Variants in SDK1 observed in about 807,000 individuals in gnomAD.
SDK1 encodes the protein protein sidekick-1.
Under a neutral mutation model 245.5 loss-of-function variants are expected in SDK1, and 157 were observed. The ratio of observed to expected loss-of-function variants is 0.64; its 90% CI spans 0.56 to 0.73. The LOEUF (loss-of-function observed/expected upper bound fraction) is 0.73. SDK1 is among the 30% of genes least tolerant of loss of function. SDK1 has a pLI of 0.00. For missense variants in SDK1, 3,583 were observed against 3,002.3 expected, an observed-to-expected ratio of 1.19 and a Z score of -4.52; for synonymous variants, 1,647 against 1,278.5, an observed-to-expected ratio of 1.29 and a Z score of -6.15.
intron 1 of SDK1, among the ~76,000 whole-genome samples, chr7:3,425,812 G>T (rs902326761): frequency 3.3e-5 from 5 of 152,166 alleles, no homozygotes; most frequent in African/African-American, 1.2e-4. Context: ...AGCCAGCCAT[G>T]ATGATCTTTT....
chr7:3,630,590 T>A (rs374278058), intron 2 of SDK1, among the ~76,000 whole-genome samples: 1 of 152,060 alleles, frequency 6.6e-6, no homozygotes, highest in African/African-American at 2.4e-5. Context: ...GAGCCGAGAT[T>A]GTGCCATTGC....
At chr7:3,990,810 C>A (rs1419732325) in intron 14 of SDK1, among the ~76,000 whole-genome samples, 2 of 152,214 alleles carry the variant, frequency 1.3e-5, no homozygotes, top group Non-Finnish European at 2.9e-5. Context: ...ATTCTACCTT[C>A]CCCCGTTTCC....
At chr7:3,937,223 A>G (rs770019663) in intron 5 of SDK1, among the ~76,000 whole-genome samples, 2 of 152,162 alleles carry the variant, frequency 1.3e-5, no homozygotes, top group Non-Finnish European at 2.9e-5. Flanking sequence ...TGTTCACTCA[A>G]CAGGTATTTA....
In SDK1 at chr7:4,145,770, C is replaced by T. The variant is rs1779925520; in HGVS notation, c.4277C>T (p.Thr1426Ile). ...RLASSSPHTF[T>I]TVEVGATVRQ... ...GCCAGCAGCAGCCCCCACACCTTCA[C>T]CACCGTGGAGGTCGGCGCCACAGTG... Residue 1426 changes from threonine (T) to isoleucine (I), a missense_variant, in exon 29 of 45, where the codon ACC (threonine) becomes ATC (isoleucine). Physicochemically the swap from Thr to Ile is moderately conservative, Grantham distance 89 (BLOSUM62 -1). Transcript: ENST00000404826. 4 of 1,613,232 alleles carry T rather than the reference C, an allele frequency of 2.5e-6. No individual in the cohort carries two copies. The highest frequency in any genetic ancestry group is 3.4e-6 in the Non-Finnish European group (4 of 1,179,628).
At chr7:3,987,906 C>CGTGT (rs1315149027) in intron 14 of SDK1, among the ~76,000 whole-genome samples, 1 of 152,096 alleles carries the variant, frequency 6.6e-6, no homozygotes, top group Non-Finnish European at 1.5e-5. Context: ...TGTGCCCCGC[C>CGTGT]GTGTGCACCC....
intron 15 of SDK1, 76 bp from the exon 16 acceptor site, chr7:4,012,019 G>C: frequency 8.1e-7 from 1 of 1,238,512 alleles, no homozygotes; most frequent in Non-Finnish European, 1.1e-6. Context: ...GATTCAGCAA[G>C]ATAGATGAAA....
At chr7:4,237,565 C>T (rs1236106139) in intron 41 of SDK1, 82 bp from the exon 42 acceptor site, 1 of 1,546,418 alleles carries the variant, frequency 6.5e-7, no homozygotes. Flanking sequence ...CCAGCCTTCC[C>T]TGCCAACCAC....
intron 5 of SDK1, among the ~76,000 whole-genome samples, chr7:3,914,955 T>C (rs1169068879): frequency 6.6e-6 from 1 of 152,182 alleles, no homozygotes. Flanking sequence ...AGGTGGTTGT[T>C]GATAGTATGG....
chr7:3,722,891 C>T (rs937119128), intron 4 of SDK1, among the ~76,000 whole-genome samples: 2 of 152,242 alleles, frequency 1.3e-5, no homozygotes, highest in Non-Finnish European at 2.9e-5. Flanking sequence ...CATATGCTTT[C>T]CCCAAGATGG....
Position 4,085,028 on chromosome 7 carries a change from T to G in SDK1, c.3324+5444T>G, listed in dbSNP as rs140724215. ...ATCCACCTGCCTTGGCCTCCCAAAG[T>G]GCTGGGATTACAGGTGTGAGCCCAC... On this transcript the variant is annotated intron_variant, in intron 22 of 44. Transcript: ENST00000404826. Among the ~76,000 whole-genome samples the G allele has an allele frequency of 6.2e-3, 944 of 152,266 alleles. 4 individuals are homozygous for G. The highest frequency in any genetic ancestry group is 0.011 in the Non-Finnish European group (740 of 68,006).
intron 1 of SDK1, among the ~76,000 whole-genome samples, chr7:3,407,786 T>C (rs1405267616): frequency 1.3e-5 from 2 of 152,192 alleles, no homozygotes; most frequent in Admixed American, 6.5e-5. Flanking sequence ...TTTGTCCTTC[T>C]CCTCAAGGAG....
chr7:4,010,851 T>C (rs557081128), intron 14 of SDK1, 115 bp from the exon 15 acceptor site: 1 of 1,066,340 alleles, frequency 9.4e-7, no homozygotes, highest in South Asian at 1.6e-5. Context: ...TTCCTTCTCC[T>C]AGAGCTGTCC....
chr7:3,761,244 T>TA (rs1456529141), intron 4 of SDK1, among the ~76,000 whole-genome samples: 1 of 149,814 alleles, frequency 6.7e-6, no homozygotes, highest in Non-Finnish European at 1.5e-5. Flanking sequence ...GTTTTTTTTT[T>TA]ATCAAGCCCC....
chr7:3,418,525 T>TA lies in SDK1; in HGVS notation c.298+116651dup, dbSNP rs900561178. ...TTTGCTTAAAAAAAGACAGGTGGCA[T>TA]AAAAAAAAAAGTATTCTTTAATCTC... On this transcript the variant is annotated intron_variant, in intron 1 of 44. Coordinates refer to ENST00000404826, the MANE Select transcript of SDK1 (RefSeq NM_152744.4). Among the ~76,000 whole-genome samples, 1,142 of 148,398 alleles carry TA rather than the reference T, an allele frequency of 7.7e-3. 7 individuals are homozygous for TA. The highest frequency in any genetic ancestry group is 0.013 in the South Asian group (61 of 4,642).
At chr7:4,264,302 T>C (rs75209323) in intron 44 of SDK1, among the ~76,000 whole-genome samples, 6,997 of 35,142 alleles carry the variant, frequency 0.2, 1,522 homozygotes, top group African/African-American at 0.29. Context: ...GGGGAGGCCG[T>C]GTAGACCTCT....
chr7:4,217,002 AGGCCACC>A (rs1288285701), intron 38 of SDK1, among the ~76,000 whole-genome samples: 118 of 144,238 alleles, frequency 8.2e-4, no homozygotes, highest in African/African-American at 3.0e-3. Flanking sequence ...CCGGAGCACC[AGGCCACC>A]CGGAGCACCA....
At chr7:3,576,280 G>C (rs895177673) in intron 1 of SDK1, among the ~76,000 whole-genome samples, 2 of 152,100 alleles carry the variant, frequency 1.3e-5, no homozygotes, top group Non-Finnish European at 2.9e-5. Context: ...CGTTGTTTAC[G>C]GAGTGCTGAC....
intron 1 of SDK1, among the ~76,000 whole-genome samples, chr7:3,399,096 T>A (rs887169305): frequency 6.6e-6 from 1 of 152,152 alleles, no homozygotes; most frequent in African/African-American, 2.4e-5. Flanking sequence ...TATGTGTAAC[T>A]TCATGCACTT....
At chr7:3,487,557 C>T (rs550426622) in intron 1 of SDK1, among the ~76,000 whole-genome samples, 13 of 151,952 alleles carry the variant, frequency 8.6e-5, no homozygotes, top group South Asian at 4.2e-4. Flanking sequence ...GCTTGGGCAA[C>T]GTGGTGAAGC....
Sources: allele counts gnomAD v4.1 joint callset (sites outside exome capture counted in the v4.1 genomes callset), GRCh38; gene constraint gnomAD v4.1.1; transcripts MANE v1.5; gene names NCBI Gene and HGNC (gene_info 2026-07-23, HGNC 2026-07-21).